The following SPEF2 variants were observed in gnomAD, a reference collection of about 807,000 sequenced individuals.
SPEF2 encodes sperm flagella and cilia-associated protein 2.
SPEF2 carries 187 observed loss-of-function variants against 224.6 expected under a neutral mutation model. The observed-to-expected ratio is 0.83, with a 90% confidence interval of 0.74 to 0.94. SPEF2 has a LOEUF of 0.94. SPEF2 is among the 40% of genes least tolerant of loss of function. The probability of loss-of-function intolerance (pLI) is 0.00; values close to 1 mark genes in which losing one functional copy is unlikely to be tolerated. For synonymous variants in SPEF2, 715 were observed against 707.3 expected (o/e 1.01, Z -0.17); for missense variants, 2,170 against 2,135.6 (o/e 1.02, Z -0.32).
At chr5:35,648,369 T>G (rs1349587656) in intron 5 of SPEF2, among the ~76,000 whole-genome samples, 1 of 152,024 alleles carries the variant, frequency 6.6e-6, no homozygotes, top group Non-Finnish European at 1.5e-5. Context: ...TTAAAGTTTT[T>G]TTTTTGTTTT....
chr5:35,683,722 C>G (rs1282515174), intron 10 of SPEF2, among the ~76,000 whole-genome samples: 1 of 152,224 alleles, frequency 6.6e-6, no homozygotes, highest in Non-Finnish European at 1.5e-5. Flanking sequence ...TTTATGATCT[C>G]TGTGTGTAAG....
chr5:35,658,955 G>T, intron 7 of SPEF2, 64 bp from the exon 8 acceptor site: 1 of 1,332,066 alleles, frequency 7.5e-7, no homozygotes, highest in South Asian at 1.7e-5. Flanking sequence ...TTTCTGTATA[G>T]GCTTCGTAGC....
chr5:35,770,324 A>C (rs1263665578), intron 26 of SPEF2, among the ~76,000 whole-genome samples: 2 of 152,124 alleles, frequency 1.3e-5, no homozygotes, highest in Non-Finnish European at 2.9e-5. Context: ...TAATTACCAT[A>C]TCTGTTACCT....
At chr5:35,755,141 G>C (rs1374170516) in intron 24 of SPEF2, among the ~76,000 whole-genome samples, 1 of 152,216 alleles carries the variant, frequency 6.6e-6, no homozygotes, top group East Asian at 1.9e-4. Context: ...GTAAAGAGAA[G>C]ATGGAGTTAG....
At chr5:35,723,209 T>C (rs1464424700) in intron 20 of SPEF2, among the ~76,000 whole-genome samples, 1 of 152,046 alleles carries the variant, frequency 6.6e-6, no homozygotes, top group Non-Finnish European at 1.5e-5. Context: ...GCCATTTAAT[T>C]TGAAGGATCT....
chr5:35,706,400 T>A (rs1469022746), intron 18 of SPEF2, among the ~76,000 whole-genome samples: 1 of 152,022 alleles, frequency 6.6e-6, no homozygotes, highest in Non-Finnish European at 1.5e-5. Flanking sequence ...TCCTATTTCA[T>A]TCAACCAATG....
chr5:35,745,095 C>T (rs1208921758), intron 23 of SPEF2, among the ~76,000 whole-genome samples: 1 of 152,168 alleles, frequency 6.6e-6, no homozygotes, highest in South Asian at 2.1e-4. Flanking sequence ...AGTTTCTAAC[C>T]TTACCTGGAG....
At chr5:35,765,050 C>T (rs1292279034) in intron 26 of SPEF2, among the ~76,000 whole-genome samples, 1 of 152,144 alleles carries the variant, frequency 6.6e-6, no homozygotes, top group Non-Finnish European at 1.5e-5. Context: ...TTTGCTCCTT[C>T]CCATTTCTAA....
At chr5:35,772,686 C>T (rs945384779) in intron 27 of SPEF2, among the ~76,000 whole-genome samples, 5 of 152,054 alleles carry the variant, frequency 3.3e-5, no homozygotes, top group Non-Finnish European at 5.9e-5. Context: ...AAAGAACGCA[C>T]CACTTTAGTC....
intron 21 of SPEF2, among the ~76,000 whole-genome samples, chr5:35,731,528 ATAGT>A (rs140782347): frequency 0.25 from 38,429 of 151,884 alleles, 4,938 homozygotes; most frequent in South Asian, 0.31. Flanking sequence ...TTTAGTATTG[ATAGT>A]TAGAACATTT....
At chr5:35,640,919 G>A (rs1420013439) in intron 2 of SPEF2, among the ~76,000 whole-genome samples, 1 of 152,030 alleles carries the variant, frequency 6.6e-6, no homozygotes, top group Non-Finnish European at 1.5e-5. Context: ...CATCTTTTTG[G>A]AAGATGGGTG....
chr5:35,670,733 C>T, intron 10 of SPEF2: 3 of 985,840 alleles, frequency 3.0e-6, no homozygotes, highest in Non-Finnish European at 3.6e-6. Context: ...TTTAGAAGAA[C>T]TGTTGTAAAG....
chr5:35,688,350 G>A (rs141502898), intron 10 of SPEF2, among the ~76,000 whole-genome samples: 5 of 152,168 alleles, frequency 3.3e-5, no homozygotes, highest in African/African-American at 4.8e-5. Flanking sequence ...ATGGAAAAAT[G>A]TGTAGTTTAT....
At chr5:35,712,528 A>C (rs1741378903) in intron 19 of SPEF2, among the ~76,000 whole-genome samples, 1 of 152,210 alleles carries the variant, frequency 6.6e-6, no homozygotes, top group Non-Finnish European at 1.5e-5. Flanking sequence ...AGTTCCATTA[A>C]AGAGTTTATG....
At chr5:35,767,259 C>G (rs1281264498) in intron 26 of SPEF2, among the ~76,000 whole-genome samples, 1 of 151,720 alleles carries the variant, frequency 6.6e-6, no homozygotes, top group African/African-American at 2.4e-5. Flanking sequence ...GTGGAATGAA[C>G]CTTTTCTTAT....
intron 10 of SPEF2, among the ~76,000 whole-genome samples, chr5:35,674,358 G>A (rs1388237588): frequency 1.4e-5 from 1 of 72,656 alleles, no homozygotes; most frequent in Non-Finnish European, 2.8e-5. Flanking sequence ...TTTTTTTTTT[G>A]GTGTTTCCAA....
At chr5:35,739,167 A>G (rs982921051) in intron 21 of SPEF2, among the ~76,000 whole-genome samples, 1 of 152,178 alleles carries the variant, frequency 6.6e-6, no homozygotes. Context: ...TGTATTTTTC[A>G]TAAACTTTTT....
Position 35,617,897 on chromosome 5 carries a change from A to T in SPEF2, c.-101A>T, listed in dbSNP as rs1034491188. 8.6e-7 allele frequency: 1 copy of T among 1,159,190 alleles called. No individual in the cohort carries two copies. Among genetic ancestry groups the T allele is most frequent in the African/African-American group, 1.5e-5 (1 of 65,492 alleles). The allele number at this position is 1,159,190 out of a possible 1,614,324, so 71.8% of individuals were successfully genotyped here. A position where few individuals can be genotyped will look rare whatever the true frequency, so the allele number is the denominator to read the frequency against. ...AGTTCCAGCCTGGATACGCTTCCAT[A>T]GCAAAGGGTTGCCCTTGGCTACAGG... On this transcript the variant is annotated 5_prime_UTR_variant, in exon 1 of 37. Coordinates refer to ENST00000356031, the MANE Select transcript of SPEF2 (RefSeq NM_024867.4).
intron 34 of SPEF2, among the ~76,000 whole-genome samples, chr5:35,801,603 G>C (rs1236805241): frequency 6.6e-6 from 1 of 152,100 alleles, no homozygotes; most frequent in Non-Finnish European, 1.5e-5. Flanking sequence ...GGATGTTTCT[G>C]TATCTCTCTG....
Sources: gnomAD v4.1 joint callset for allele counts (sites outside exome capture counted in the v4.1 genomes callset) on GRCh38, gnomAD v4.1.1 for gene constraint, MANE v1.5 for transcripts, NCBI Gene and HGNC (gene_info 2026-07-23, HGNC 2026-07-21) for gene names.